The following NWD2 variants were observed in gnomAD, a reference collection of about 807,000 sequenced individuals.
The protein encoded by NWD2 is NACHT and WD repeat domain containing 2.
Under a neutral mutation model 132.7 loss-of-function variants are expected in NWD2, and 37 were observed. The observed-to-expected ratio is 0.28, with a 90% confidence interval of 0.21 to 0.37. The LOEUF (loss-of-function observed/expected upper bound fraction) is 0.37. NWD2 is among the 10% of genes least tolerant of loss of function. NWD2 has a pLI of 1.00. For missense variants in NWD2, 1,592 were observed against 2,122.4 expected, an observed-to-expected ratio of 0.75 and a Z score of 4.91; for synonymous variants, 705 against 803.0, an observed-to-expected ratio of 0.88 and a Z score of 2.06.
chr4:37,376,160 G>A (rs1328628416), intron 3 of NWD2, among the ~76,000 whole-genome samples: 3 of 152,056 alleles, frequency 2.0e-5, no homozygotes, highest in Admixed American at 6.6e-5. Context: ...GAATTACTAG[G>A]TCAAAGTTAT....
chr4:37,342,675 A>G (rs1043783269), intron 2 of NWD2, among the ~76,000 whole-genome samples: 22 of 152,158 alleles, frequency 1.4e-4, no homozygotes, highest in Non-Finnish European at 2.6e-4. Context: ...TTAAGCCTTC[A>G]TAGATAGAGG....
intron 3 of NWD2, among the ~76,000 whole-genome samples, chr4:37,416,720 C>A (rs1407163630): frequency 6.6e-6 from 1 of 151,996 alleles, no homozygotes; most frequent in Non-Finnish European, 1.5e-5. Flanking sequence ...CATCAATCAA[C>A]AAGTGGATAA....
At chr4:37,331,823 C>T (rs1050456761) in intron 2 of NWD2, among the ~76,000 whole-genome samples, 1 of 152,162 alleles carries the variant, frequency 6.6e-6, no homozygotes. Flanking sequence ...GCCATCCCTC[C>T]CCCAACTCCC....
intron 5 of NWD2, among the ~76,000 whole-genome samples, chr4:37,437,260 C>T (rs1335867358): frequency 6.6e-6 from 1 of 152,128 alleles, no homozygotes; most frequent in African/African-American, 2.4e-5. Context: ...CCTGCAGATT[C>T]TGTGGCTGAT....
chr4:37,261,240 C>T (rs564736092), intron 1 of NWD2, among the ~76,000 whole-genome samples: 127 of 152,176 alleles, frequency 8.3e-4, no homozygotes, highest in African/African-American at 2.9e-3. Flanking sequence ...AACCAGCTGG[C>T]GTGCATTAAA....
At chr4:37,436,052 G>A (rs1010761131) in intron 5 of NWD2, among the ~76,000 whole-genome samples, 3 of 152,046 alleles carry the variant, frequency 2.0e-5, no homozygotes, top group African/African-American at 7.2e-5. Context: ...CAACAGGAGA[G>A]GACGAGAAAT....
intron 1 of NWD2, among the ~76,000 whole-genome samples, chr4:37,285,756 T>C (rs1952775359): frequency 6.6e-6 from 1 of 152,226 alleles, no homozygotes; most frequent in African/African-American, 2.4e-5. Context: ...CCATTGAACA[T>C]TTTATGCAAA....
chr4:37,417,206 A>G (rs75659829), intron 3 of NWD2, among the ~76,000 whole-genome samples: 5,394 of 152,276 alleles, frequency 0.035, 113 homozygotes, highest in Middle Eastern at 0.061. Context: ...GGTAATATTT[A>G]TAAAAGCAAA....
rs1269455632 is a variant in NWD2, at chr4:37,387,831, T to C, written c.357+31349T>C. ...GTGGGATTACAGGCACCCGCCATCA[T>C]GCCTGGCTAATTTTTGTATTTTTGT... is the stretch of plus-strand genomic sequence containing the variant. On this transcript the variant is annotated intron_variant, in intron 3 of 6. Coordinates refer to ENST00000309447, the MANE Select transcript of NWD2 (RefSeq NM_001144990.2). Among the ~76,000 whole-genome samples the C allele has an allele frequency of 2.6e-5, 4 of 151,936 alleles. No homozygotes were observed. The East Asian group carries it at 7.8e-4, about 30-fold the overall frequency.
At chr4:37,396,250 C>T (rs1720790103) in intron 3 of NWD2, among the ~76,000 whole-genome samples, 1 of 152,194 alleles carries the variant, frequency 6.6e-6, no homozygotes, top group Non-Finnish European at 1.5e-5. Flanking sequence ...CTTAGGGCTA[C>T]CACCCCAGTT....
chr4:37,433,064 C>A (rs1367315796), intron 4 of NWD2, among the ~76,000 whole-genome samples: 1 of 152,190 alleles, frequency 6.6e-6, no homozygotes, highest in Admixed American at 6.5e-5. Flanking sequence ...TTTCTCTGTG[C>A]AATGGGAAAT....
At chr4:37,272,386 T>C (rs540307765) in intron 1 of NWD2, among the ~76,000 whole-genome samples, 2 of 151,928 alleles carry the variant, frequency 1.3e-5, no homozygotes, top group East Asian at 3.9e-4. Context: ...TCATTAATAG[T>C]TGACAAAATA....
intron 3 of NWD2, among the ~76,000 whole-genome samples, chr4:37,403,254 AAAG>A (rs1188844326): frequency 7.9e-5 from 12 of 152,376 alleles, no homozygotes; most frequent in African/African-American, 2.2e-4. Flanking sequence ...GTGGAAAAGA[AAAG>A]AAACATGATA....
intron 1 of NWD2, among the ~76,000 whole-genome samples, chr4:37,291,744 G>A (rs1718365198): frequency 2.0e-5 from 3 of 152,040 alleles, no homozygotes; most frequent in South Asian, 4.1e-4. Context: ...GTGTAAAACT[G>A]TATCAGTGTT....
rs1163828047 is a variant in NWD2 at position 37,348,654 on chromosome 4, A to ATG, written c.241-7711_241-7710insGT. ...GGTTAATTCATATATATATATATAT[A>ATG]TATATATATATATATATATATACAC... On this transcript the variant is annotated intron_variant, in intron 2 of 6. Coordinates refer to ENST00000309447, the MANE Select transcript of NWD2 (RefSeq NM_001144990.2). 1.2e-3 allele frequency among the ~76,000 whole-genome samples: 69 copies of ATG among 56,410 alleles called. 1 individual carries two copies. The highest frequency in any genetic ancestry group is 3.7e-3 in the African/African-American group (66 of 17,614). 37.0% of individuals were successfully genotyped at this position (56,410 alleles called of 152,430 possible).
intron 3 of NWD2, among the ~76,000 whole-genome samples, chr4:37,376,135 A>G (rs1292557774): frequency 1.3e-5 from 2 of 152,210 alleles, no homozygotes; most frequent in African/African-American, 4.8e-5. Flanking sequence ...CTGTGAAGGT[A>G]AACTCTAAGA....
chr4:37,404,336 T>C (rs989197183), intron 3 of NWD2, among the ~76,000 whole-genome samples: 1 of 152,144 alleles, frequency 6.6e-6, no homozygotes, highest in African/African-American at 2.4e-5. Context: ...TGAAAAGCAC[T>C]CCTCCCTGTT....
At chr4:37,363,988 TG>T (rs1720035576) in intron 3 of NWD2, among the ~76,000 whole-genome samples, 1 of 146,692 alleles carries the variant, frequency 6.8e-6, no homozygotes, top group Non-Finnish European at 1.5e-5. Context: ...AAAAATTAGC[TG>T]GGAATGGTGG....
intron 2 of NWD2, among the ~76,000 whole-genome samples, chr4:37,349,304 G>C (rs751419695): frequency 6.6e-6 from 1 of 152,132 alleles, no homozygotes; most frequent in African/African-American, 2.4e-5. Context: ...CACCAACAGC[G>C]TGAAAGCGTT....
Sources: gnomAD v4.1 joint callset for allele counts (sites outside exome capture counted in the v4.1 genomes callset) on GRCh38, gnomAD v4.1.1 for gene constraint, MANE v1.5 for transcripts, NCBI Gene and HGNC (gene_info 2026-07-23, HGNC 2026-07-21) for gene names.